The following UBE3D variants were observed in gnomAD, a reference collection of about 807,000 sequenced individuals.
UBE3D encodes E3 ubiquitin-protein ligase E3D.
A neutral mutation model predicts 49.6 loss-of-function variants in UBE3D; 48 were observed. The observed-to-expected ratio is 0.97, with a 90% CI of 0.77 to 1.23. The LOEUF is 1.23. Among genes scored for constraint, UBE3D ranks in the 50% most tolerant of loss-of-function variants. The pLI is 0.00. For synonymous variants in UBE3D, 189 were observed against 174.2 expected (o/e 1.08, Z -0.67); for missense variants, 452 against 468.4 (o/e 0.96, Z 0.32).
intron 9 of UBE3D, among the ~76,000 whole-genome samples, chr6:82,921,039 T>A (rs755943408): frequency 1.3e-5 from 2 of 150,702 alleles, no homozygotes; most frequent in African/African-American, 4.9e-5. Context: ...CACTGCAACC[T>A]TAACTGCCAG....
chr6:83,004,431 T>C (rs976476771), intron 8 of UBE3D, among the ~76,000 whole-genome samples: 5 of 152,222 alleles, frequency 3.3e-5, no homozygotes, highest in Non-Finnish European at 7.4e-5. Context: ...TTCTCTTTTT[T>C]GTACTCAGAT....
chr6:82,902,127 T>C (rs1771782965), intron 9 of UBE3D, among the ~76,000 whole-genome samples: 1 of 152,166 alleles, frequency 6.6e-6, no homozygotes, highest in African/African-American at 2.4e-5. Context: ...TGGTCACAAA[T>C]TTGGCTTCAA....
At chr6:83,019,997 C>G (rs767730901) in intron 7 of UBE3D, among the ~76,000 whole-genome samples, 2 of 152,216 alleles carry the variant, frequency 1.3e-5, no homozygotes, top group Non-Finnish European at 2.9e-5. Flanking sequence ...TATCAGCCAA[C>G]GCTGTCAGCA....
At chr6:82,945,406 G>A (rs958990665) in intron 9 of UBE3D, among the ~76,000 whole-genome samples, 1 of 152,176 alleles carries the variant, frequency 6.6e-6, no homozygotes. Context: ...AGACCATCAT[G>A]CCAGTATGAG....
intron 8 of UBE3D, among the ~76,000 whole-genome samples, chr6:82,990,562 G>GCCA (rs952401671): frequency 6.6e-6 from 1 of 152,126 alleles, no homozygotes; most frequent in African/African-American, 2.4e-5. Flanking sequence ...ACAGGCATGA[G>GCCA]CCACCACACC....
At chr6:82,914,464 A>G (rs1441916483) in intron 9 of UBE3D, among the ~76,000 whole-genome samples, 1 of 152,176 alleles carries the variant, frequency 6.6e-6, no homozygotes, top group Non-Finnish European at 1.5e-5. Context: ...CCACAAGTGG[A>G]AATGTGTCCA....
intron 4 of UBE3D, among the ~76,000 whole-genome samples, chr6:83,044,148 C>A (rs1447610205): frequency 6.6e-6 from 1 of 152,168 alleles, no homozygotes; most frequent in Non-Finnish European, 1.5e-5. Flanking sequence ...GTCCTAAGAA[C>A]AAGAAAGCAA....
intron 5 of UBE3D, among the ~76,000 whole-genome samples, chr6:83,028,516 CACA>C (rs1781642168): frequency 1.3e-5 from 2 of 152,112 alleles, no homozygotes; most frequent in Admixed American, 6.6e-5. Context: ...ACTGTGAGGG[CACA>C]ACATTTAGCG....
intron 4 of UBE3D, among the ~76,000 whole-genome samples, chr6:83,043,876 A>G (rs1782842648): frequency 6.6e-6 from 1 of 152,212 alleles, no homozygotes; most frequent in Non-Finnish European, 1.5e-5. Context: ...AAAGCAACTT[A>G]TGCAGCAAGA....
intron 9 of UBE3D, among the ~76,000 whole-genome samples, chr6:82,894,481 C>T (rs919622235): frequency 1.3e-5 from 2 of 152,046 alleles, no homozygotes; most frequent in African/African-American, 4.8e-5. Flanking sequence ...CCTATAAGTA[C>T]CCCAGCCTGT....
At chr6:82,997,925 A>C (rs1044752812) in intron 8 of UBE3D, among the ~76,000 whole-genome samples, 2 of 151,564 alleles carry the variant, frequency 1.3e-5, no homozygotes, top group East Asian at 3.9e-4. Flanking sequence ...TTTTACAAGG[A>C]GAATGCCTTC....
At chr6:82,956,556 C>T (rs899862349) in intron 9 of UBE3D, among the ~76,000 whole-genome samples, 1 of 152,064 alleles carries the variant, frequency 6.6e-6, no homozygotes, top group African/African-American at 2.4e-5. Context: ...GAAAGTAGAA[C>T]CCTGTTAAAT....
chr6:82,972,198 C>A (rs891696466), intron 8 of UBE3D, among the ~76,000 whole-genome samples: 1 of 152,220 alleles, frequency 6.6e-6, no homozygotes, highest in Admixed American at 6.5e-5. Context: ...TCCCTTTATA[C>A]CTCTTCCCAA....
intron 8 of UBE3D, 128 bp downstream of exon 8, chr6:83,018,845 G>C: frequency 1.1e-6 from 1 of 947,338 alleles, no homozygotes; most frequent in Admixed American, 2.6e-5. Flanking sequence ...ATATTTAGCA[G>C]TATTGGCTCC....
At chr6:82,998,938 T>C (rs1376375542) in intron 8 of UBE3D, among the ~76,000 whole-genome samples, 1 of 152,186 alleles carries the variant, frequency 6.6e-6, no homozygotes, top group Non-Finnish European at 1.5e-5. Context: ...GAAAGGTTAA[T>C]ATCACTATGA....
chr6:83,011,837 GGGTGAT>G (rs1780356035), intron 8 of UBE3D, among the ~76,000 whole-genome samples: 1 of 152,092 alleles, frequency 6.6e-6, no homozygotes, highest in African/African-American at 2.4e-5. Context: ...GGATCACTAG[GGGTGAT>G]GGTGAATGGT....
intron 9 of UBE3D, among the ~76,000 whole-genome samples, chr6:82,906,158 G>A (rs369460986): frequency 7.9e-5 from 12 of 151,966 alleles, no homozygotes; most frequent in South Asian, 6.2e-4. Context: ...AACAGTTGGC[G>A]TTTGTTCAAA....
chr6:82,962,980 C>T (rs1405191234), intron 8 of UBE3D, among the ~76,000 whole-genome samples: 3 of 152,266 alleles, frequency 2.0e-5, no homozygotes, highest in Non-Finnish European at 4.4e-5. Flanking sequence ...TCTATTCCCA[C>T]AGTACGTTTT....
chr6:83,000,113 T>C (rs1779519071), intron 8 of UBE3D, among the ~76,000 whole-genome samples: 1 of 152,056 alleles, frequency 6.6e-6, no homozygotes, highest in Admixed American at 6.6e-5. Flanking sequence ...AATGTGGGAG[T>C]TCTTCACTGC....
Sources: gnomAD v4.1 joint callset for allele counts (sites outside exome capture counted in the v4.1 genomes callset) on GRCh38, gnomAD v4.1.1 for gene constraint, MANE v1.5 for transcripts, NCBI Gene and HGNC (gene_info 2026-07-23, HGNC 2026-07-21) for gene names.